The following CSMD3 variants were observed in gnomAD, a reference collection of about 807,000 sequenced individuals.
CSMD3 encodes the protein CUB and Sushi multiple domains 3.
In CSMD3, 177 loss-of-function variants were observed where a neutral mutation model predicts 435.2. The ratio of observed to expected loss-of-function variants is 0.41; its 90% CI spans 0.36 to 0.46. CSMD3 has a LOEUF of 0.46. Among genes scored for constraint, CSMD3 ranks in the 20% least tolerant of loss-of-function variants. The probability of loss-of-function intolerance (pLI) is 0.34; values close to 1 mark genes in which losing one functional copy is unlikely to be tolerated. For missense variants in CSMD3, 4,265 were observed against 4,504.6 expected, an observed-to-expected ratio of 0.95 and a Z score of 1.52; for synonymous variants, 1,656 against 1,520.5, an observed-to-expected ratio of 1.09 and a Z score of -2.07.
intron 2 of CSMD3, among the ~76,000 whole-genome samples, chr8:113,292,952 C>G (rs56353556): frequency 0.1 from 15,892 of 151,568 alleles, 965 homozygotes; most frequent in Middle Eastern, 0.17. Flanking sequence ...ACCTATCAAC[C>G]AACCAAACAA....
intron 3 of CSMD3, among the ~76,000 whole-genome samples, chr8:113,262,061 C>T (rs2093431580): frequency 6.6e-6 from 1 of 151,968 alleles, no homozygotes; most frequent in African/African-American, 2.4e-5. Flanking sequence ...TGTGATTCTT[C>T]TATTACCATA....
intron 33 of CSMD3, among the ~76,000 whole-genome samples, chr8:112,408,666 T>C (rs1046314127): frequency 4.6e-5 from 7 of 152,132 alleles, no homozygotes; most frequent in African/African-American, 1.7e-4. Context: ...TATTTTATAT[T>C]ACATTAAACA....
At chr8:112,868,775 T>C (rs1267240601) in intron 10 of CSMD3, among the ~76,000 whole-genome samples, 3 of 152,152 alleles carry the variant, frequency 2.0e-5, no homozygotes, top group African/African-American at 7.2e-5. Context: ...GAATAGTCTC[T>C]TCAACAAGTG....
At chr8:113,227,866 C>A (rs1482095527) in intron 3 of CSMD3, among the ~76,000 whole-genome samples, 7 of 151,594 alleles carry the variant, frequency 4.6e-5, no homozygotes, top group African/African-American at 7.3e-5. Context: ...TCTCTAGAAA[C>A]ACTCATAGAG....
chr8:112,937,098 A>C (rs936291220), intron 9 of CSMD3, among the ~76,000 whole-genome samples: 3 of 152,060 alleles, frequency 2.0e-5, no homozygotes, highest in African/African-American at 7.2e-5. Flanking sequence ...TCTTCTTTTA[A>C]GTTTGCCTAC....
At chr8:113,212,025 G>T (rs1482164976) in intron 3 of CSMD3, among the ~76,000 whole-genome samples, 1 of 152,050 alleles carries the variant, frequency 6.6e-6, no homozygotes, top group Non-Finnish European at 1.5e-5. Context: ...ATTAATAAAT[G>T]ACTAAAAATT....
chr8:112,300,230 A>G (rs1820781781), intron 53 of CSMD3, among the ~76,000 whole-genome samples: 1 of 147,224 alleles, frequency 6.8e-6, no homozygotes, highest in African/African-American at 2.5e-5. Context: ...ACATATTTAA[A>G]GATACATGTA....
intron 13 of CSMD3, among the ~76,000 whole-genome samples, chr8:112,747,871 G>A (rs1025242274): frequency 6.6e-6 from 1 of 150,808 alleles, no homozygotes; most frequent in Non-Finnish European, 1.5e-5. Context: ...GCTGAGGCAG[G>A]AGAATGGCGT....
At chr8:112,422,858 A>G (rs1000564648) in intron 32 of CSMD3, among the ~76,000 whole-genome samples, 1 of 152,236 alleles carries the variant, frequency 6.6e-6, no homozygotes, top group African/African-American at 2.4e-5. Context: ...CTTAATAGAA[A>G]CAAATAAGAA....
chr8:112,660,584 A>C (rs2075356876), intron 17 of CSMD3, among the ~76,000 whole-genome samples: 1 of 152,152 alleles, frequency 6.6e-6, no homozygotes, highest in South Asian at 2.1e-4. Context: ...TCTTAGCTCC[A>C]ATTCAATAAT....
In CSMD3 at chr8:112,870,750, A is replaced by G. The variant is rs547363549; in HGVS notation, c.1634-11484T>C. On this transcript the variant is annotated intron_variant, in intron 10 of 70. Transcript: ENST00000297405. ...AATTAATCCATATTCTGTTTGAAAC[A>G]CTATGCTGGGTGGAGGTGGAAAGAT... is the stretch of plus-strand genomic sequence containing the variant. Among the ~76,000 whole-genome samples, 392 of 152,256 alleles carry G rather than the reference A, an allele frequency of 2.6e-3. 1 individual carries two copies. The highest frequency in any genetic ancestry group is 2.9e-3 in the Non-Finnish European group (194 of 68,010).
At chr8:112,873,495 T>G (rs1384773945) in intron 10 of CSMD3, among the ~76,000 whole-genome samples, 1 of 152,158 alleles carries the variant, frequency 6.6e-6, no homozygotes, top group East Asian at 1.9e-4. Context: ...CTTACTTCTA[T>G]TAGTGCACAT....
intron 10 of CSMD3, among the ~76,000 whole-genome samples, chr8:112,919,923 T>C (rs1228245137): frequency 6.6e-6 from 1 of 151,884 alleles, no homozygotes; most frequent in Non-Finnish European, 1.5e-5. Context: ...TTATAGACAA[T>C]GTTTTTTGGG....
At chr8:112,636,007 T>C (rs988164249) in intron 22 of CSMD3, among the ~76,000 whole-genome samples, 38 of 152,282 alleles carry the variant, frequency 2.5e-4, no homozygotes, top group African/African-American at 9.1e-4. Context: ...ATAAAATAAT[T>C]ATAAAATGGC....
intron 5 of CSMD3, among the ~76,000 whole-genome samples, chr8:113,033,457 C>T (rs1447090250): frequency 6.6e-6 from 1 of 151,648 alleles, no homozygotes; most frequent in Non-Finnish European, 1.5e-5. Context: ...AGGGTTTAGA[C>T]TTGCATGGAG....
At chr8:112,734,193 A>T (rs943479531) in intron 13 of CSMD3, among the ~76,000 whole-genome samples, 12 of 151,754 alleles carry the variant, frequency 7.9e-5, no homozygotes, top group African/African-American at 2.7e-4. Context: ...TAAAGTTAAA[A>T]ATATATATAT....
intron 27 of CSMD3, among the ~76,000 whole-genome samples, chr8:112,525,879 T>A (rs946099167): frequency 7.0e-6 from 1 of 142,976 alleles, no homozygotes; most frequent in African/African-American, 2.5e-5. Context: ...GTTTTTTATA[T>A]ATATAAATAT....
At chr8:112,254,761 C>A (rs374991351) in intron 62 of CSMD3, among the ~76,000 whole-genome samples, 50 of 151,714 alleles carry the variant, frequency 3.3e-4, no homozygotes, top group African/African-American at 1.1e-3. Flanking sequence ...TTACTGACAC[C>A]CATAGGATAT....
intron 20 of CSMD3, among the ~76,000 whole-genome samples, chr8:112,643,787 G>A (rs1002710461): frequency 2.0e-5 from 3 of 150,970 alleles, no homozygotes; most frequent in Admixed American, 6.6e-5. Flanking sequence ...TTTTAACAAC[G>A]CTTTTTCTCA....
Sources: gnomAD v4.1 joint callset for allele counts (sites outside exome capture counted in the v4.1 genomes callset) on GRCh38, gnomAD v4.1.1 for gene constraint, MANE v1.5 for transcripts, NCBI Gene and HGNC (gene_info 2026-07-23, HGNC 2026-07-21) for gene names.